Variants in PRMT2 observed in about 807,000 individuals in gnomAD.
PRMT2 encodes protein arginine methyltransferase 2.
PRMT2 carries 26 observed loss-of-function variants against 57.6 expected under a neutral mutation model. The observed-to-expected ratio is 0.45, with a 90% CI of 0.33 to 0.63. The LOEUF is 0.63. PRMT2 is among the 20% of genes least tolerant of loss of function. The pLI, the probability that PRMT2 is intolerant of heterozygous loss-of-function variation, is 0.02. For missense variants in PRMT2, 472 were observed against 564.4 expected (o/e 0.84, Z 1.66); for synonymous variants, 219 against 220.0 (o/e 1.00, Z 0.04).
chr21:46,653,555 A>T (rs938154419), intron 7 of PRMT2: 4 of 1,036,474 alleles, frequency 3.9e-6, no homozygotes, highest in Admixed American at 5.6e-5. Context: ...GGCCACAACC[A>T]AGGCCGCCTG....
At chr21:46,636,819 C>A in intron 2 of PRMT2, 77 bp from the exon 3 acceptor site, 1 of 773,082 alleles carries the variant, frequency 1.3e-6, no homozygotes, top group Non-Finnish European at 2.0e-6. Context: ...GGACATCATG[C>A]ACATTAGAAG....
intron 9 of PRMT2, chr21:46,661,340 C>T (rs977826701): frequency 6.0e-6 from 1 of 167,318 alleles, no homozygotes; most frequent in Non-Finnish European, 1.3e-5. Flanking sequence ...CGTTAGAATT[C>T]CCTCCGTGAA....
intron 3 of PRMT2, among the ~76,000 whole-genome samples, chr21:46,642,699 A>G (rs2061297144): frequency 6.6e-6 from 1 of 152,186 alleles, no homozygotes; most frequent in Admixed American, 6.5e-5. Flanking sequence ...TGCCCCCTGC[A>G]GTGATGTCTT....
At chr21:46,652,657 CT>C (rs35718820) in intron 7 of PRMT2, 1 of 985,306 alleles carries the variant, frequency 1.0e-6, no homozygotes, top group Middle Eastern at 5.2e-4. Context: ...TTGGTAAAGC[CT>C]TTTGAAGGAA....
chr21:46,642,123 C>G (rs1032395321), intron 3 of PRMT2, among the ~76,000 whole-genome samples: 7 of 152,118 alleles, frequency 4.6e-5, no homozygotes, highest in African/African-American at 1.7e-4. Context: ...CCAGGGAACA[C>G]CTTTCTGGAG....
intron 10 of PRMT2, among the ~76,000 whole-genome samples, chr21:46,662,507 C>A (rs914547980): frequency 6.6e-6 from 1 of 152,206 alleles, no homozygotes; most frequent in Non-Finnish European, 1.5e-5. Context: ...GATGGCCTGG[C>A]CTGGCATGTG....
At chr21:46,650,887 G>A (rs775362256) in intron 7 of PRMT2, among the ~76,000 whole-genome samples, 1 of 152,224 alleles carries the variant, frequency 6.6e-6, no homozygotes, top group Non-Finnish European at 1.5e-5. Flanking sequence ...CCCAGTGGCC[G>A]GATTGGCCAG....
At chr21:46,639,973 GATAA>G (rs1348980985) in intron 3 of PRMT2, among the ~76,000 whole-genome samples, 12 of 152,168 alleles carry the variant, frequency 7.9e-5, no homozygotes, top group Admixed American at 1.3e-4. Flanking sequence ...CCCTCTTGTG[GATAA>G]ATAAAGGATT....
At chr21:46,638,830 A>G (rs866327156) in intron 3 of PRMT2, among the ~76,000 whole-genome samples, 7 of 152,068 alleles carry the variant, frequency 4.6e-5, no homozygotes, top group South Asian at 2.1e-4. Flanking sequence ...GGTTTTATCA[A>G]TTTTATTTTT....
intron 3 of PRMT2, among the ~76,000 whole-genome samples, chr21:46,640,354 C>A (rs1186048756): frequency 6.6e-6 from 1 of 151,586 alleles, no homozygotes; most frequent in East Asian, 1.9e-4. Context: ...CATGTAGGAT[C>A]ATTTCCCTTC....
chr21:46,658,871 A>G lies in PRMT2; in HGVS notation c.781A>G (p.Lys261Glu). ...CAGTGCTGATAAGGATTATCGTAGC[A>G]AGGTGCTCTTCTGGGACAACGCGTA... ...PCSADKDYRS[K>E]VLFWDNAYEF... Residue 261 changes from lysine (K) to glutamate (E), a missense_variant, in exon 8 of 12, where the codon AAG becomes GAG. Lys to Glu is a moderately conservative substitution (Grantham distance 56, BLOSUM62 1). Transcript: ENST00000355680. 6.2e-7 allele frequency: 1 copy of G among 1,614,188 alleles called. No homozygotes were observed. The highest frequency in any genetic ancestry group is 8.5e-7 in the Non-Finnish European group (1 of 1,180,038).
intron 8 of PRMT2, 128 bp from the exon 9 acceptor site, chr21:46,660,705 G>T: frequency 1.6e-6 from 2 of 1,225,020 alleles, no homozygotes. Context: ...GGGTTCCAGG[G>T]CCCCAGATAG....
intron 9 of PRMT2, 118 bp downstream of exon 9, chr21:46,661,080 A>G: frequency 1.0e-6 from 1 of 971,628 alleles, no homozygotes; most frequent in Non-Finnish European, 1.4e-6. Context: ...TGAATAACTA[A>G]TTATTTTATT....
rs986312639 is a variant in PRMT2, at chr21:46,664,603, C to T, written c.*276C>T. On this transcript the variant is annotated 3_prime_UTR_variant, in exon 12 of 12. Transcript: ENST00000355680. ...TGTTCACCCGTGGTGCCCACAGTGC[C>T]GACCCGTGGCTGGGTCGGAGCTCCA... is the stretch of plus-strand genomic sequence containing the variant. 19 of 545,550 alleles carry T rather than the reference C, an allele frequency of 3.5e-5. No homozygotes were observed. Among genetic ancestry groups the T allele is most frequent in the African/African-American group, 2.3e-4 (12 of 52,686 alleles). 33.8% of individuals were successfully genotyped at this position (545,550 alleles called of 1,614,324 possible).
At chr21:46,653,793 T>C in intron 7 of PRMT2, 1 of 1,086,908 alleles carries the variant, frequency 9.2e-7, no homozygotes, top group Non-Finnish European at 1.1e-6. Flanking sequence ...AGACATCTTT[T>C]TCAGGAAACA....
chr21:46,659,348 T>G, intron 8 of PRMT2: 5 of 989,086 alleles, frequency 5.1e-6, no homozygotes, highest in Non-Finnish European at 6.0e-6. Flanking sequence ...ATGGATGGAA[T>G]GGACCCTGGG....
At position 46,650,251 on chromosome 21, in the gene PRMT2, G is replaced by A. The variant is rs1322814721; in HGVS notation, c.654+512G>A. On this transcript the variant is annotated intron_variant, in intron 7 of 11. Coordinates refer to ENST00000355680, the MANE Select transcript of PRMT2 (RefSeq NM_206962.4). ...GCCCTGCACAAACGCTGTCTGCTTG[G>A]AGGGAAGTTGACGGGAGTGTGGCTG... Among the ~76,000 whole-genome samples, 3 of 147,694 alleles carry A rather than the reference G, an allele frequency of 2.0e-5. No homozygotes were observed. The South Asian group carries it at 6.6e-4, about 33-fold the overall frequency.
chr21:46,661,959 C>T (rs201880048), intron 10 of PRMT2, 23 bp downstream of exon 10: 121 of 183,140 alleles, frequency 6.6e-4, no homozygotes, highest in African/African-American at 2.8e-3. Flanking sequence ...GGCGCGGGCA[C>T]GGGGTGCGGG....
rs756203843 is a variant in PRMT2 at position 46,649,682 on chromosome 21, G to A, written c.597G>A (p.Val199=). The A allele has an allele frequency of 6.2e-7, 1 of 1,613,892 alleles. No homozygotes were observed. Among genetic ancestry groups the A allele is most frequent in the East Asian group, 2.2e-5 (1 of 44,882 alleles). ...ITVYQQKVED[V]VLPEKVDVLV... The stretch of plus-strand genomic sequence containing the variant: ...TGTACCAGCAGAAGGTGGAGGATGT[G>A]GTGCTGCCCGAGAAGGTGGACGTGC... The change falls in exon 7 of 12, where the codon GTG becomes GTA. Residue 199 remains valine (V), a synonymous_variant. Transcript: ENST00000355680. This position sits in a 1 kb window ranked among gnomAD's most constrained non-coding sequence, Gnocchi z 4.8.
Sources: allele counts gnomAD v4.1 joint callset (sites outside exome capture counted in the v4.1 genomes callset), GRCh38; gene constraint gnomAD v4.1.1; non-coding constraint Gnocchi (gnomAD v3.1); transcripts MANE v1.5; gene names NCBI Gene and HGNC (gene_info 2026-07-23, HGNC 2026-07-21).